Variants in DNAH10 observed in about 807,000 individuals in gnomAD.
DNAH10 encodes axonemal beta dynein heavy chain 10.
In DNAH10, 348 loss-of-function variants were observed where a neutral mutation model predicts 506.6. That is an observed-to-expected ratio of 0.69 (90% CI 0.63 to 0.75). The LOEUF (loss-of-function observed/expected upper bound fraction) is 0.75. Ranked by LOEUF, DNAH10 falls within the 30% of genes least tolerant of loss-of-function variation. The pLI is 0.00. For missense variants in DNAH10, 5,179 were observed against 5,787.1 expected, an observed-to-expected ratio of 0.89 and a Z score of 3.41; for synonymous variants, 2,059 against 2,198.6, an observed-to-expected ratio of 0.94 and a Z score of 1.78.
At chr12:123,865,545 G>T in intron 40 of DNAH10, among the ~76,000 whole-genome samples, 1 of 151,672 alleles carries the variant, frequency 6.6e-6, no homozygotes, top group African/African-American at 2.4e-5. Flanking sequence ...GTTTAGCTTT[G>T]TACTTATGAA....
Position 123,787,970 on chromosome 12 carries a change from AC to A in DNAH10, c.1590del (p.Ile531SerfsTer23). 6.3e-7 allele frequency: 1 copy of A among 1,583,228 alleles called. No individual in the cohort carries two copies. The highest frequency in any genetic ancestry group is 8.6e-7 in the Non-Finnish European group (1 of 1,164,590). On this transcript the variant is annotated frameshift_variant, in exon 10 of 79. Transcript: ENST00000673944. LOFTEE classifies it high-confidence loss of function. The surrounding 1 kb of genome is among the most constrained non-coding windows in gnomAD (Gnocchi z 4.6). ...RLFERTDYMA[T>X]ICQDLSDVLQ... ...GTTCGAGAGGACGGATTATATGGCC[AC>A]CATCTGCCAGGACCTCTCCGACGTT...
chr12:123,869,331 C>CTCCG (rs1951933500), intron 43 of DNAH10, among the ~76,000 whole-genome samples: 2 of 152,134 alleles, frequency 1.3e-5, no homozygotes, highest in Admixed American at 6.5e-5. Flanking sequence ...TGCCTGAGAC[C>CTCCG]TCCGCATGCC....
rs1594021221 is a variant in DNAH10 at position 123,787,005 on chromosome 12, G to A, written c.1422-799G>A. Among the ~76,000 whole-genome samples the A allele has an allele frequency of 6.6e-6, 1 of 152,228 alleles. No individual in the cohort carries two copies. The highest frequency in any genetic ancestry group is 1.5e-5 in the Non-Finnish European group (1 of 68,014). Reference sequence around the variant, plus strand: ...GTACACAGAATTAGCCGGGTGTGGTGGTGGGCGCCTGTAATCCCAGCCACT... The same window carrying A: ...GTACACAGAATTAGCCGGGTGTGGTAGTGGGCGCCTGTAATCCCAGCCACT... On this transcript the variant is annotated intron_variant, in intron 9 of 78. Coordinates refer to ENST00000673944, the MANE Select transcript of DNAH10 (RefSeq NM_001372106.1). The surrounding 1 kb of genome is among the most constrained non-coding windows in gnomAD (Gnocchi z 4.6).
Position 123,870,472 on chromosome 12 carries a change from C to G in DNAH10, c.7626C>G (p.Phe2542Leu), listed in dbSNP as rs769097538. Residue 2542 changes from phenylalanine to leucine, a missense_variant, in exon 44 of 79, where the codon TTC becomes TTG. By Grantham distance (22) the Phe-to-Leu change is conservative (BLOSUM62 0). This residue lies in a region of DNAH10 where 4,844 missense variants were observed against 5,430.5 expected (regional missense o/e 0.89). Transcript: ENST00000673944. ...PEYIHAPERK[F>L]INILVHTVDT... ...ATATTCATGCCCCCGAGAGGAAATT[C>G]ATCAACATCCTGGGTAAGTCAGAGT... 6.2e-7 allele frequency: 1 copy of G among 1,613,502 alleles called. No individual in the cohort carries two copies. Among genetic ancestry groups the G allele is most frequent in the South Asian group, 1.1e-5 (1 of 90,958 alleles).
chr12:123,796,623 A>G (rs766102956), intron 12 of DNAH10, 33 bp from the exon 13 acceptor site: 25 of 1,556,040 alleles, frequency 1.6e-5, no homozygotes, highest in Non-Finnish European at 4.3e-6. Context: ...GGCGATGTTT[A>G]TCACTTACAG....
In DNAH10 at chr12:123,903,117, ATG is replaced by A; in HGVS notation, c.9815+5_9815+6del. On this transcript the variant is annotated splice_donor_5th_base_variant and intron_variant, in intron 57 of 78. Transcript: ENST00000673944. This position sits in a 1 kb window ranked among gnomAD's most constrained non-coding sequence, Gnocchi z 4.6. The stretch of plus-strand genomic sequence containing the variant: ...AGTCGGACGTGACTGAGATTAGGTA[ATG>A]CACCTGAGCCACCATTCTGGGCTTC... 1 of 1,605,578 alleles carries A rather than the reference ATG, an allele frequency of 6.2e-7. No homozygotes were observed. The highest frequency in any genetic ancestry group is 1.3e-5 in the African/African-American group (1 of 74,868).
rs771118106 is a variant in DNAH10 at position 123,923,911 on chromosome 12, CAT to C, written c.11611+45_11611+46del. On this transcript the variant is annotated intron_variant, in intron 66 of 78. Coordinates refer to ENST00000673944, the MANE Select transcript of DNAH10 (RefSeq NM_001372106.1). ...TTCATTCCTCCCATCTCCTTGCCCA[CAT>C]GATACATGTATATAAGTTTGTCTGT... is the stretch of plus-strand genomic sequence containing the variant. 7.3e-6 allele frequency: 10 copies of C among 1,368,522 alleles called. No homozygotes were observed. In the African/African-American group the frequency reaches 1.2e-4, roughly 16 times the overall value. The allele number at this position is 1,368,522 out of a possible 1,614,324, so 84.8% of individuals were successfully genotyped here.
chr12:123,801,274 T>C lies in DNAH10; in HGVS notation c.2463-7T>C, dbSNP rs559978926. 137 of 1,613,314 alleles carry C rather than the reference T, an allele frequency of 8.5e-5. 1 individual carries two copies. The South Asian group carries it at 1.4e-3, about 16-fold the overall frequency. On this transcript the variant is annotated splice_polypyrimidine_tract_variant and splice_region_variant and intron_variant, in intron 15 of 78. Coordinates refer to ENST00000673944, the MANE Select transcript of DNAH10 (RefSeq NM_001372106.1). The stretch of plus-strand genomic sequence containing the variant: ...CCTCAGGTTTATGACATTCCTGTCA[T>C]GTGCAGGTACACAGCTGGGATACAG...
In DNAH10 at chr12:123,898,698, C is replaced by A; in HGVS notation, c.9524C>A (p.Ala3175Asp). The A allele has an allele frequency of 1.2e-6, 2 of 1,600,266 alleles. No homozygotes were observed. The highest frequency in any genetic ancestry group is 2.3e-5 in the East Asian group (1 of 44,190). Residue 3175 changes from alanine (A) to aspartate (D), a missense_variant, in exon 56 of 79, where the codon GCC (alanine) becomes GAC (aspartate). Ala to Asp is a moderately radical substitution (Grantham distance 126, BLOSUM62 -2). This residue lies in a region of DNAH10 where 4,844 missense variants were observed against 5,430.5 expected (regional missense o/e 0.89). Transcript: ENST00000673944. ...GGGGGACTGGACAAGCTGAAGGAGG[C>A]CACCATCCAGCTGGACGAGCTGAAC... ...LDGGLDKLKE[A>D]TIQLDELNQK...
In DNAH10 at chr12:123,875,334, G is replaced by C. The variant is rs200270614; in HGVS notation, c.8042G>C (p.Arg2681Pro). 3 of 1,613,944 alleles carry C rather than the reference G, an allele frequency of 1.9e-6. No individual in the cohort carries two copies. Among genetic ancestry groups the C allele is most frequent in the East Asian group, 2.2e-5 (1 of 44,882 alleles). ...AAGGAGCTGAACTGTAAAAGCATTC[G>C]AGACCTTGGCTTTATTGCTGCAATG... The part of the protein sequence containing the change: ...RGKELNCKSI[R>P]DLGFIAAMGK... The change falls in exon 47 of 79, where the codon CGA becomes CCA. Residue 2681 changes from arginine to proline, a missense_variant. Transcript: ENST00000673944.
intron 29 of DNAH10, 91 bp from the exon 30 acceptor site, chr12:123,841,231 G>A (rs910057824): frequency 7.4e-6 from 10 of 1,359,660 alleles, no homozygotes; most frequent in Non-Finnish European, 1.0e-5. Flanking sequence ...TGCTTGCATC[G>A]TGGCAGCTCT....
At position 123,776,851 on chromosome 12, in the gene DNAH10, G is replaced by A. The variant is rs76445819; in HGVS notation, c.621+2587G>A. Among the ~76,000 whole-genome samples the A allele has an allele frequency of 5.9e-3, 894 of 152,196 alleles. 9 individuals are homozygous for A. The highest frequency in any genetic ancestry group is 0.02 in the African/African-American group (838 of 41,498). On this transcript the variant is annotated intron_variant, in intron 5 of 78. Transcript: ENST00000673944. ...ACAACTGAGACAAGGTCTCTGCCTC[G>A]TGGAGCTTTCATTCTAGACAGGAAG...
At position 123,918,759 on chromosome 12, in the gene DNAH10, G is replaced by C; in HGVS notation, c.11316G>C (p.Arg3772Ser). 2.5e-6 allele frequency: 4 copies of C among 1,608,988 alleles called. No homozygotes were observed. Among genetic ancestry groups the C allele is most frequent in the Non-Finnish European group, 3.4e-6 (4 of 1,176,126 alleles). The change falls in exon 65 of 79, where the codon AGG (arginine) becomes AGC (serine). Residue 3772 changes from arginine (R) to serine (S), a missense_variant. Arg to Ser is a moderately radical substitution (Grantham distance 110). Coordinates refer to ENST00000673944, the MANE Select transcript of DNAH10 (RefSeq NM_001372106.1). ...LRDGYRPAAR[R>S]GAILFFVLSE... ...ATGGCTACCGGCCAGCAGCCAGGAG[G>C]GGGGCCATCCTGTTCTTCGTCCTGT...
chr12:123,799,459 T>G, intron 14 of DNAH10, 88 bp downstream of exon 14: 1 of 1,491,432 alleles, frequency 6.7e-7, no homozygotes, highest in Non-Finnish European at 9.0e-7. Context: ...TTGACATTCA[T>G]GAAGTTGGGT....
intron 11 of DNAH10, among the ~76,000 whole-genome samples, chr12:123,791,558 C>CT (rs553467337): frequency 6.6e-6 from 1 of 151,894 alleles, no homozygotes; most frequent in African/African-American, 2.4e-5. Flanking sequence ...TCAGTTGAAC[C>CT]TTTTTTTGGT....
chr12:123,833,081 T>C (rs902984827), intron 26 of DNAH10, 33 bp from the exon 27 acceptor site: 2 of 1,538,562 alleles, frequency 1.3e-6, no homozygotes, highest in African/African-American at 1.4e-5. Flanking sequence ...TCAGTTCGTG[T>C]GCCTGAATCA....
Position 123,904,813 on chromosome 12 carries a change from C to T in DNAH10, c.9815+1700C>T, listed in dbSNP as rs575897187. Among the ~76,000 whole-genome samples the T allele has an allele frequency of 2.0e-5, 3 of 152,282 alleles. No individual in the cohort carries two copies. In the East Asian group the frequency reaches 5.8e-4, roughly 29 times the overall value. On this transcript the variant is annotated intron_variant, in intron 57 of 78. Coordinates refer to ENST00000673944, the MANE Select transcript of DNAH10 (RefSeq NM_001372106.1). ...CCTATATGTGAAGAACTGGGCTGGG[C>T]ACATGGTCAGAGCCATGTAAGCATT... is the stretch of plus-strand genomic sequence containing the variant.
Position 123,877,788 on chromosome 12 carries a change from T to C in DNAH10, c.8252T>C (p.Leu2751Pro). ...AGTGGCAAGCTGACATTCTGCACGC[T>C]AGCACTTTACAAAAATATTGTGCAA... ...AVSGKLTFCTLALYKNIVQDL... is the reference protein window; with the variant it reads ...AVSGKLTFCTPALYKNIVQDL... Residue 2751 changes from leucine (L) to proline (P), a missense_variant, in exon 48 of 79, where the codon CTA becomes CCA. This residue lies in a region of DNAH10 where 4,844 missense variants were observed against 5,430.5 expected (regional missense o/e 0.89). Coordinates refer to ENST00000673944, the MANE Select transcript of DNAH10 (RefSeq NM_001372106.1). 6.2e-7 allele frequency: 1 copy of C among 1,614,016 alleles called. No homozygotes were observed. The highest frequency in any genetic ancestry group is 8.5e-7 in the Non-Finnish European group (1 of 1,179,892).
chr12:123,770,487 ATTTTTTTTT>A (rs56670119), intron 2 of DNAH10, among the ~76,000 whole-genome samples: 1 of 133,174 alleles, frequency 7.5e-6, no homozygotes, highest in South Asian at 2.4e-4. Flanking sequence ...CGTAAGTGTG[ATTTTTTTTT>A]TTTTTTTTTT....
Sources: allele counts gnomAD v4.1 joint callset (sites outside exome capture counted in the v4.1 genomes callset), GRCh38; gene constraint gnomAD v4.1.1; regional missense constraint gnomAD v4.1.1; non-coding constraint Gnocchi (gnomAD v3.1); transcripts MANE v1.5; gene names NCBI Gene and HGNC (gene_info 2026-07-23, HGNC 2026-07-21).